SS18L2: variants seen among roughly 807,000 people sequenced by gnomAD.
The protein encoded by SS18L2 is SS18-like protein 2.
In SS18L2, 8 loss-of-function variants were observed where a neutral mutation model predicts 10.3. That is an observed-to-expected ratio of 0.78 (90% CI 0.46 to 1.41). SS18L2 has a LOEUF of 1.41. Among genes scored for constraint, SS18L2 ranks in the 40% most tolerant of loss-of-function variants. SS18L2 has a pLI of 0.00. For synonymous variants in SS18L2, 41 were observed against 34.6 expected, an observed-to-expected ratio of 1.19 and a Z score of -0.65; for missense variants, 100 against 96.2, an observed-to-expected ratio of 1.04 and a Z score of -0.17.
chr3:42,582,792 G>A (rs1704466794), intron 1 of SS18L2, among the ~76,000 whole-genome samples: 1 of 152,208 alleles, frequency 6.6e-6, no homozygotes, highest in African/African-American at 2.4e-5. Flanking sequence ...TTCAGATGGA[G>A]AGATTAGCAT....
At chr3:42,587,691 G>T (rs1319985961), upstream of SS18L2, 1 of 151,954 alleles carries the variant, frequency 6.6e-6, no homozygotes, top group East Asian at 1.9e-4. Context: ...AGCCGAGATC[G>T]TGCCACAGCA....
upstream of SS18L2, among the ~76,000 whole-genome samples, chr3:42,586,360 C>CTG (rs1268967895): frequency 6.6e-6 from 1 of 152,152 alleles, no homozygotes; most frequent in Non-Finnish European, 1.5e-5. Context: ...GTAGCTGGGA[C>CTG]TACAGGCCTG....
chr3:42,594,419 T>C lies in SS18L2; in HGVS notation c.147-3T>C. 1.9e-6 allele frequency: 3 copies of C among 1,611,082 alleles called. No homozygotes were observed. The highest frequency in any genetic ancestry group is 1.7e-4 in the Middle Eastern group (1 of 6,046). On this transcript the variant is annotated splice_polypyrimidine_tract_variant and splice_region_variant and intron_variant, in intron 2 of 2. Coordinates refer to ENST00000011691, the MANE Select transcript of SS18L2 (RefSeq NM_001370300.1). The stretch of plus-strand genomic sequence containing the variant: ...TGATTTTTGCCTGTTTTTTTGCCCA[T>C]AGGTACCAGCATGTGTTACATAGAA...
rs764845012 is a variant in SS18L2 at position 42,591,596 on chromosome 3, C to T, written c.141C>T (p.Cys47=). ...EYQNKGRGNE[C]VQYQHVLHRN... ...AGAACAAGGGCCGCGGGAACGAGTG[C>T]GTGCAGTAAGTACCCCCACCCCCGC... The change falls in exon 2 of 3, where the codon TGC becomes TGT. Residue 47 remains cysteine, a synonymous_variant. Coordinates refer to ENST00000011691, the MANE Select transcript of SS18L2 (RefSeq NM_001370300.1). 7.4e-6 allele frequency: 12 copies of T among 1,611,438 alleles called. No individual in the cohort carries two copies. The highest frequency in any genetic ancestry group is 1.7e-5 in the Admixed American group (1 of 60,000).
chr3:42,594,649 G>A lies in SS18L2; in HGVS notation c.*140G>A, dbSNP rs4549. 243,489 of 626,402 alleles carry A rather than the reference G, an allele frequency of 0.39. 53,323 individuals carry two copies. Among genetic ancestry groups the A allele is most frequent in the African/African-American group, 0.74 (40,394 of 54,412 alleles). 38.8% of individuals were successfully genotyped at this position (626,402 alleles called of 1,614,324 possible). A position where few individuals can be genotyped will look rare whatever the true frequency, so the allele number is the denominator to read the frequency against. On this transcript the variant is annotated 3_prime_UTR_variant, in exon 3 of 3. Coordinates refer to ENST00000011691, the MANE Select transcript of SS18L2 (RefSeq NM_001370300.1). Reference sequence around the variant, plus strand: ...TGAATGAAACCTCTGTGGCTCTTTCGAAACGTGAAAATGTGAAGAAAGCTA... The same window carrying A: ...TGAATGAAACCTCTGTGGCTCTTTCAAAACGTGAAAATGTGAAGAAAGCTA...
chr3:42,590,988 CG>C, intron 1 of SS18L2, 22 bp downstream of exon 1: 1 of 54,226 alleles, frequency 1.8e-5, no homozygotes, highest in Non-Finnish European at 3.6e-5. Context: ...CGCGGGCGGG[CG>C]GGCGGGCGGA....
In SS18L2 at chr3:42,596,016, T is replaced by G. The variant is rs572849098; in HGVS notation, c.*1507T>G. ...TTCTTTTTCTTCTTTTTTTTGGTTT[T>G]GTTTTGTTTTGTTTTTGTTTTTGTT... is the stretch of plus-strand genomic sequence containing the variant. On this transcript the variant is annotated 3_prime_UTR_variant, in exon 3 of 3. Transcript: ENST00000011691. Among the ~76,000 whole-genome samples, 48 of 151,850 alleles carry G rather than the reference T, an allele frequency of 3.2e-4. No homozygotes were observed. Among genetic ancestry groups the G allele is most frequent in the Non-Finnish European group, 4.6e-4 (31 of 67,924 alleles).
upstream of SS18L2, chr3:42,590,711 G>T: frequency 3.0e-6 from 2 of 663,478 alleles, no homozygotes. Context: ...ATACGAAAAC[G>T]CCCCCGGCGT....
chr3:42,583,536 G>C (rs1424409428), intron 1 of SS18L2, among the ~76,000 whole-genome samples: 2 of 152,216 alleles, frequency 1.3e-5, no homozygotes, highest in Non-Finnish European at 2.9e-5. Flanking sequence ...AGGCACCTTT[G>C]AGACTTGGTT....
chr3:42,589,545 G>A (rs1704742166), upstream of SS18L2, among the ~76,000 whole-genome samples: 1 of 152,166 alleles, frequency 6.6e-6, no homozygotes, highest in African/African-American at 2.4e-5. Context: ...CGCATAGCAG[G>A]AGGTGAGCAG....
At chr3:42,589,991 G>A (rs1393680256), upstream of SS18L2, among the ~76,000 whole-genome samples, 1 of 152,184 alleles carries the variant, frequency 6.6e-6, no homozygotes, top group Non-Finnish European at 1.5e-5. Flanking sequence ...CTAAAGCCAG[G>A]CTGCCCGTAT....
chr3:42,590,341 G>T (rs1183599363), upstream of SS18L2, among the ~76,000 whole-genome samples: 1 of 152,126 alleles, frequency 6.6e-6, no homozygotes, highest in Non-Finnish European at 1.5e-5. Context: ...GGGTGAAGCC[G>T]AGCAAACCGC....
chr3:42,591,067 A>G, intron 1 of SS18L2, 101 bp downstream of exon 1: 3 of 1,333,530 alleles, frequency 2.2e-6, no homozygotes, highest in Non-Finnish European at 2.1e-6. Flanking sequence ...CTCCCAGCTG[A>G]CTGTGAAGGG....
intron 2 of SS18L2, among the ~76,000 whole-genome samples, chr3:42,593,034 TA>T (rs372776586): frequency 1.6e-4 from 25 of 151,806 alleles, no homozygotes; most frequent in South Asian, 6.2e-4. Context: ...AACACAACAA[TA>T]AAAAAAATAC....
chr3:42,590,738 G>T, upstream of SS18L2: 1 of 785,774 alleles, frequency 1.3e-6, no homozygotes, highest in Non-Finnish European at 2.2e-6. Context: ...GGCTGGGACC[G>T]AGGAAAGCGC....
intron 1 of SS18L2, 161 bp downstream of exon 1, chr3:42,591,127 C>A: frequency 1.3e-6 from 1 of 744,244 alleles, no homozygotes; most frequent in Admixed American, 2.1e-5. Context: ...TCAGCACAGG[C>A]GCCGGGGCAG....
rs372697250 is a variant in SS18L2, at chr3:42,592,175, C to T, written c.146+574C>T. On this transcript the variant is annotated intron_variant, in intron 2 of 2. Transcript: ENST00000011691. ...TCTGAGTCTCTTTTCCGAATCTAGT[C>T]CAGGTATTACGCCCATTTTTTTCTT... Among the ~76,000 whole-genome samples, 21 of 152,046 alleles carry T rather than the reference C, an allele frequency of 1.4e-4. 1 individual carries two copies. The highest frequency in any genetic ancestry group is 1.2e-3 in the Admixed American group (18 of 15,268).
rs1705019899 is a variant in SS18L2, at chr3:42,596,056, A to T, written c.*1547A>T. ...TTGTTTTTGTTTTTTTTTGAGACGGAATCTCGCTCTGTCGGAGTGCAGTGG... is the reference window on the plus strand; with the variant it reads ...TTGTTTTTGTTTTTTTTTGAGACGGTATCTCGCTCTGTCGGAGTGCAGTGG... On this transcript the variant is annotated 3_prime_UTR_variant, in exon 3 of 3. Transcript: ENST00000011691. 2.0e-5 allele frequency among the ~76,000 whole-genome samples: 3 copies of T among 150,514 alleles called. No individual in the cohort carries two copies. Among genetic ancestry groups the T allele is most frequent in the Middle Eastern group, 3.4e-3 (1 of 290 alleles).
chr3:42,591,124 A>T, intron 1 of SS18L2, 158 bp downstream of exon 1: 1 of 751,766 alleles, frequency 1.3e-6, no homozygotes, highest in Non-Finnish European at 2.2e-6. Context: ...AAATCAGCAC[A>T]GGCGCCGGGG....
Sources: gnomAD v4.1 joint callset for allele counts (sites outside exome capture counted in the v4.1 genomes callset) on GRCh38, gnomAD v4.1.1 for gene constraint, MANE v1.5 for transcripts, NCBI Gene and HGNC (gene_info 2026-07-23, HGNC 2026-07-21) for gene names.